The following PPP1R37 variants were observed in gnomAD, a reference collection of about 807,000 sequenced individuals.
The protein encoded by PPP1R37 is protein phosphatase 1 regulatory subunit 37.
PPP1R37 carries 21 observed loss-of-function variants against 61.0 expected under a neutral mutation model. The observed-to-expected ratio is 0.34, with a 90% confidence interval of 0.24 to 0.50. The LOEUF is 0.50. Among genes scored for constraint, PPP1R37 ranks in the 20% least tolerant of loss-of-function variants. The pLI is 0.98. For missense variants in PPP1R37, 910 were observed against 952.7 expected, an observed-to-expected ratio of 0.96 and a Z score of 0.59; for synonymous variants, 443 against 433.5, an observed-to-expected ratio of 1.02 and a Z score of -0.27.
At chr19:45,129,076 A>G (rs1384545506) in intron 1 of PPP1R37, 1 of 644,160 alleles carries the variant, frequency 1.6e-6, no homozygotes, top group East Asian at 4.0e-5. Flanking sequence ...ATCTTCTGAG[A>G]CTGCAGAGGC....
At position 45,138,020 on chromosome 19, in the gene PPP1R37, TC is replaced by T. The variant is rs770641612; in HGVS notation, c.203-493del. The stretch of plus-strand genomic sequence containing the variant: ...GGCGTGACAGTGCAAGCGTTTGGTC[TC>T]TGCTGCTCGGGAGGATGCTTGAGCC... On this transcript the variant is annotated intron_variant, in intron 1 of 12. Transcript: ENST00000221462. Among the ~76,000 whole-genome samples, 50 of 152,208 alleles carry T rather than the reference TC, an allele frequency of 3.3e-4. 1 individual carries two copies. The highest frequency in any genetic ancestry group is 1.2e-3 in the Admixed American group (18 of 15,286).
At chr19:45,094,374 G>A (rs954687695) in intron 1 of PPP1R37, among the ~76,000 whole-genome samples, 2 of 152,212 alleles carry the variant, frequency 1.3e-5, no homozygotes, top group Non-Finnish European at 2.9e-5. Context: ...CAGTCATTCA[G>A]GAGCAGAGGA....
rs376555625 is a variant in PPP1R37 at position 45,145,810 on chromosome 19, C to T, written c.1754C>T (p.Ala585Val). 1.2e-5 allele frequency: 17 copies of T among 1,386,332 alleles called. No homozygotes were observed. The highest frequency in any genetic ancestry group is 4.4e-5 in the African/African-American group (3 of 68,468). 85.9% of individuals were successfully genotyped at this position (1,386,332 alleles called of 1,614,324 possible). A position where few individuals can be genotyped will look rare whatever the true frequency, so the allele number is the denominator to read the frequency against. Residue 585 changes from alanine to valine, a missense_variant, in exon 11 of 13, where the codon GCG becomes GTG. By Grantham distance (64) the Ala-to-Val change is moderately conservative. Around this residue, in one of 3 missense-constraint regions of PPP1R37, gnomAD observed 549 missense variants for 505.1 expected, o/e 1.09. Coordinates refer to ENST00000221462, the MANE Select transcript of PPP1R37 (RefSeq NM_019121.2). ...ESPPERAEPP[A>V]SPTPPSPPPP... ...CCGCCCGAGAGGGCAGAGCCCCCTGCGTCCCCCACCCCTCCCTCTCCCCCA... is the reference window on the plus strand; with the variant it reads ...CCGCCCGAGAGGGCAGAGCCCCCTGTGTCCCCCACCCCTCCCTCTCCCCCA...
In PPP1R37 at chr19:45,140,300, G is replaced by A. The variant is rs1333022864; in HGVS notation, c.346+19G>A. 40 of 1,535,174 alleles carry A rather than the reference G, an allele frequency of 2.6e-5. No homozygotes were observed. The highest frequency in any genetic ancestry group is 3.5e-5 in the Non-Finnish European group (40 of 1,146,156). On this transcript the variant is annotated intron_variant, in intron 3 of 12. Transcript: ENST00000221462. ...CTGAAAGGTGTGTGTCTGGCTAGGG[G>A]TTGAGAGCCCTTGGGTCATGGGCAG...
In PPP1R37 at chr19:45,133,794, T is replaced by C. The variant is rs537996540; in HGVS notation, c.203-4720T>C. 2.6e-5 allele frequency among the ~76,000 whole-genome samples: 4 copies of C among 152,348 alleles called. No homozygotes were observed. In the East Asian group the frequency reaches 7.7e-4, roughly 29 times the overall value. Reference sequence around the variant, plus strand: ...ACTGGGCATCACATGACCTTTTCCATGTCCATCATGGGGTCATGTGGGCTG... The same window carrying C: ...ACTGGGCATCACATGACCTTTTCCACGTCCATCATGGGGTCATGTGGGCTG... On this transcript the variant is annotated intron_variant, in intron 1 of 12. Coordinates refer to ENST00000221462, the MANE Select transcript of PPP1R37 (RefSeq NM_019121.2).
intron 1 of PPP1R37, among the ~76,000 whole-genome samples, chr19:45,094,732 G>GAA (rs747403892): frequency 1.5e-5 from 2 of 134,688 alleles, no homozygotes; most frequent in African/African-American, 5.4e-5. Context: ...CCGGCTCAAA[G>GAA]AAAAAAAAAA....
At chr19:45,119,626 A>G (rs901375641) in intron 1 of PPP1R37, among the ~76,000 whole-genome samples, 10 of 152,234 alleles carry the variant, frequency 6.6e-5, no homozygotes, top group Admixed American at 3.3e-4. Context: ...TAAGATAGCT[A>G]TCATTTTACC....
At chr19:45,134,610 G>A (rs1307540284) in intron 1 of PPP1R37, among the ~76,000 whole-genome samples, 1 of 150,152 alleles carries the variant, frequency 6.7e-6, no homozygotes, top group Non-Finnish European at 1.5e-5. Flanking sequence ...CCAGGCTGGA[G>A]TACAGTGGCA....
chr19:45,128,239 C>G (rs1298336411), intron 1 of PPP1R37, among the ~76,000 whole-genome samples: 1 of 152,170 alleles, frequency 6.6e-6, no homozygotes, highest in Non-Finnish European at 1.5e-5. Context: ...TCTGATGGAG[C>G]TTAGCTAATG....
At chr19:45,096,357 C>G (rs1294713093) in intron 1 of PPP1R37, among the ~76,000 whole-genome samples, 1 of 152,110 alleles carries the variant, frequency 6.6e-6, no homozygotes, top group East Asian at 1.9e-4. Context: ...AGTTTCTGGT[C>G]TGCAGATTCC....
Position 45,093,322 on chromosome 19 carries a change from G to A in PPP1R37, c.-4G>A. The A allele has an allele frequency of 6.9e-7, 1 of 1,445,136 alleles. No individual in the cohort carries two copies. Among genetic ancestry groups the A allele is most frequent in the Middle Eastern group, 2.2e-4 (1 of 4,594 alleles). 89.5% of individuals were successfully genotyped at this position (1,445,136 alleles called of 1,614,324 possible). A position where few individuals can be genotyped will look rare whatever the true frequency, so the allele number is the denominator to read the frequency against. ...GGGGCCCCCGTGAGGAGGCGGCGGC[G>A]GCTATGGAGATCGCGCCGCAGGAGG... On this transcript the variant is annotated 5_prime_UTR_variant, in exon 1 of 13. Transcript: ENST00000221462.
chr19:45,138,457 C>A (rs1968565940), intron 1 of PPP1R37, 57 bp from the exon 2 acceptor site: 2 of 1,288,220 alleles, frequency 1.6e-6, no homozygotes, highest in Non-Finnish European at 2.2e-6. Flanking sequence ...GTGGGTGGAG[C>A]CCCATGAAGG....
At chr19:45,113,519 C>CCAG (rs1968227346) in intron 1 of PPP1R37, among the ~76,000 whole-genome samples, 1 of 152,210 alleles carries the variant, frequency 6.6e-6, no homozygotes, top group South Asian at 2.1e-4. Flanking sequence ...CAGCCAGAGC[C>CCAG]CAGCCCCTGC....
intron 1 of PPP1R37, among the ~76,000 whole-genome samples, chr19:45,106,235 T>C (rs1028085219): frequency 6.6e-6 from 1 of 152,038 alleles, no homozygotes; most frequent in African/African-American, 2.4e-5. Flanking sequence ...CCAGCTGTTT[T>C]GTTTTTGTTT....
At chr19:45,109,748 A>G (rs537610270) in intron 1 of PPP1R37, among the ~76,000 whole-genome samples, 2 of 152,284 alleles carry the variant, frequency 1.3e-5, no homozygotes, top group South Asian at 4.1e-4. Context: ...CCACCACGTC[A>G]TCAGCACCCT....
chr19:45,095,130 G>A (rs1967976305), intron 1 of PPP1R37, among the ~76,000 whole-genome samples: 1 of 152,094 alleles, frequency 6.6e-6, no homozygotes, highest in South Asian at 2.1e-4. Context: ...TGTGAGGGTG[G>A]GAAACATGGT....
intron 1 of PPP1R37, among the ~76,000 whole-genome samples, chr19:45,134,714 C>T (rs2122745793): frequency 6.6e-6 from 1 of 152,194 alleles, no homozygotes; most frequent in Admixed American, 6.5e-5. Flanking sequence ...AACCCACCAC[C>T]ACGCCCGGCT....
chr19:45,102,627 G>A (rs1968078775), intron 1 of PPP1R37, among the ~76,000 whole-genome samples: 1 of 152,210 alleles, frequency 6.6e-6, no homozygotes, highest in Non-Finnish European at 1.5e-5. Flanking sequence ...AGGATCATCT[G>A]CCTGAGTGTG....
At chr19:45,103,500 G>T (rs1032493394) in intron 1 of PPP1R37, among the ~76,000 whole-genome samples, 2 of 152,174 alleles carry the variant, frequency 1.3e-5, no homozygotes, top group Non-Finnish European at 2.9e-5. Context: ...CTCTCTCCAC[G>T]GTCTCCGAGG....
Sources: gnomAD v4.1 joint callset for allele counts (sites outside exome capture counted in the v4.1 genomes callset) on GRCh38, gnomAD v4.1.1 for gene constraint, gnomAD v4.1.1 regional missense constraint, MANE v1.5 for transcripts, NCBI Gene and HGNC (gene_info 2026-07-23, HGNC 2026-07-21) for gene names.